Variants in AGBL4 observed in about 807,000 individuals in gnomAD.
AGBL4 encodes AGBL carboxypeptidase 4, also known as cytosolic carboxypeptidase 6.
A neutral mutation model predicts 66.4 loss-of-function variants in AGBL4; 58 were observed. The observed-to-expected ratio is 0.87, with a 90% CI of 0.71 to 1.09. AGBL4 has a LOEUF of 1.09. AGBL4 is among the 50% of genes least tolerant of loss of function. The pLI is 0.00. For synonymous variants in AGBL4, 234 were observed against 222.9 expected (o/e 1.05, Z -0.44); for missense variants, 579 against 631.0 (o/e 0.92, Z 0.88).
intron 4 of AGBL4, among the ~76,000 whole-genome samples, chr1:49,155,942 A>G (rs1341287664): frequency 6.6e-6 from 1 of 152,130 alleles, no homozygotes; most frequent in African/African-American, 2.4e-5. Flanking sequence ...TATTGCCTCT[A>G]TTATCTATGA....
intron 3 of AGBL4, among the ~76,000 whole-genome samples, chr1:49,307,739 A>G (rs1330933344): frequency 1.3e-5 from 2 of 152,106 alleles, no homozygotes; most frequent in Non-Finnish European, 2.9e-5. Flanking sequence ...TGTTAATTTT[A>G]TCCCTCCTGG....
chr1:48,551,875 C>T (rs959969110), intron 11 of AGBL4, among the ~76,000 whole-genome samples: 12 of 151,890 alleles, frequency 7.9e-5, no homozygotes, highest in Non-Finnish European at 1.8e-4. Flanking sequence ...CAGTGCTGCC[C>T]ATCACCCTAA....
rs149827093 is a variant in AGBL4 at position 49,653,351 on chromosome 1, T to C, written c.282+43962A>G. Reference sequence around the variant, plus strand: ...CAAAGATCAAAAGTAGATAAACCCATGAAGATGAGAAAGAATCAACATAAA... The same window carrying C: ...CAAAGATCAAAAGTAGATAAACCCACGAAGATGAGAAAGAATCAACATAAA... On this transcript the variant is annotated intron_variant, in intron 3 of 13. Transcript: ENST00000371839. Among the ~76,000 whole-genome samples, 3 of 151,852 alleles carry C rather than the reference T, an allele frequency of 2.0e-5. No individual in the cohort carries two copies. In the South Asian group the frequency reaches 6.2e-4, roughly 32 times the overall value.
intron 3 of AGBL4, among the ~76,000 whole-genome samples, chr1:49,620,356 A>T (rs1239944693): frequency 2.0e-5 from 3 of 152,198 alleles, no homozygotes; most frequent in Non-Finnish European, 2.9e-5. Flanking sequence ...GCCAACAAAC[A>T]TATGAAAAAA....
intron 2 of AGBL4, among the ~76,000 whole-genome samples, chr1:49,754,296 G>GT (rs200656390): frequency 0.012 from 1,695 of 145,304 alleles, 31 homozygotes; most frequent in African/African-American, 0.035. Flanking sequence ...TATTTTTAAT[G>GT]TTTTTTTTTT....
intron 1 of AGBL4, among the ~76,000 whole-genome samples, chr1:49,874,613 G>A (rs958239328): frequency 1.3e-5 from 2 of 151,972 alleles, no homozygotes; most frequent in African/African-American, 2.4e-5. Flanking sequence ...TTAAAATCCT[G>A]TTCTCATTCC....
chr1:48,869,961 A>T (rs1648487882), intron 5 of AGBL4, among the ~76,000 whole-genome samples: 1 of 152,102 alleles, frequency 6.6e-6, no homozygotes, highest in African/African-American at 2.4e-5. Context: ...GGCTGAACTC[A>T]ACTGAACTAG....
chr1:49,133,645 A>G (rs186173635), intron 4 of AGBL4, among the ~76,000 whole-genome samples: 1 of 152,276 alleles, frequency 6.6e-6, no homozygotes, highest in African/African-American at 2.4e-5. Context: ...GCATGGCTGT[A>G]TATTGGTAAA....
At chr1:49,416,589 T>C (rs1306706168) in intron 3 of AGBL4, among the ~76,000 whole-genome samples, 1 of 152,074 alleles carries the variant, frequency 6.6e-6, no homozygotes, top group Non-Finnish European at 1.5e-5. Context: ...GGCTGTGGAG[T>C]AGCATTCAAT....
chr1:49,987,904 G>T (rs1001522488), intron 1 of AGBL4, among the ~76,000 whole-genome samples: 1 of 151,234 alleles, frequency 6.6e-6, no homozygotes, highest in African/African-American at 2.4e-5. Context: ...TCTAATTCAA[G>T]TTCATGCCTC....
At chr1:49,851,185 T>G (rs530798098) in intron 2 of AGBL4, among the ~76,000 whole-genome samples, 1 of 152,154 alleles carries the variant, frequency 6.6e-6, no homozygotes, top group Non-Finnish European at 1.5e-5. Context: ...TTTGTTAATA[T>G]TACCATCAAT....
chr1:49,735,296 G>T lies in AGBL4; in HGVS notation c.158-37859C>A, dbSNP rs74724276. Reference sequence around the variant, plus strand: ...TAAAACAAAGAGGTAGAGGTGTGTGGGTGTGTGTGTGTGTGTGTGTGTGTG... The same window carrying T: ...TAAAACAAAGAGGTAGAGGTGTGTGTGTGTGTGTGTGTGTGTGTGTGTGTG... On this transcript the variant is annotated intron_variant, in intron 2 of 13. Transcript: ENST00000371839. Among the ~76,000 whole-genome samples, 947 of 127,386 alleles carry T rather than the reference G, an allele frequency of 7.4e-3. 12 individuals are homozygous for T. Among genetic ancestry groups the T allele is most frequent in the African/African-American group, 0.025 (758 of 30,870 alleles). 83.6% of individuals were successfully genotyped at this position (127,386 alleles called of 152,430 possible).
chr1:49,943,735 A>C (rs1571923946), intron 1 of AGBL4, among the ~76,000 whole-genome samples: 1 of 149,012 alleles, frequency 6.7e-6, no homozygotes, highest in Admixed American at 6.7e-5. Flanking sequence ...AAAAAAAAAA[A>C]CCTCCAGCAG....
At chr1:48,849,710 C>T (rs936622292) in intron 6 of AGBL4, among the ~76,000 whole-genome samples, 27 of 152,308 alleles carry the variant, frequency 1.8e-4, no homozygotes, top group African/African-American at 6.3e-4. Flanking sequence ...CGGTGGCTCA[C>T]GCCTGTAATC....
intron 9 of AGBL4, among the ~76,000 whole-genome samples, chr1:48,620,589 A>G (rs1166267586): frequency 6.6e-6 from 1 of 152,154 alleles, no homozygotes; most frequent in Non-Finnish European, 1.5e-5. Context: ...ACCTACTTGC[A>G]TTGCTATTTC....
At chr1:48,771,148 A>C (rs550538987) in intron 6 of AGBL4, among the ~76,000 whole-genome samples, 75 of 152,326 alleles carry the variant, frequency 4.9e-4, no homozygotes, top group Non-Finnish European at 7.2e-4. Flanking sequence ...CTGACCACCT[A>C]GTATAACTCA....
At chr1:49,435,382 T>G (rs1645881831) in intron 3 of AGBL4, among the ~76,000 whole-genome samples, 1 of 152,202 alleles carries the variant, frequency 6.6e-6, no homozygotes, top group Non-Finnish European at 1.5e-5. Context: ...GAGCAGAGAT[T>G]TATATTTTTT....
At chr1:49,099,061 C>G (rs970457472) in intron 4 of AGBL4, among the ~76,000 whole-genome samples, 4 of 152,178 alleles carry the variant, frequency 2.6e-5, no homozygotes, top group Non-Finnish European at 5.9e-5. Context: ...TGACTTAGAG[C>G]TATGTGCTAT....
intron 5 of AGBL4, among the ~76,000 whole-genome samples, chr1:48,930,913 C>T (rs1264406482): frequency 6.6e-6 from 1 of 152,160 alleles, no homozygotes; most frequent in Non-Finnish European, 1.5e-5. Flanking sequence ...CAAGGTTGCA[C>T]AGCAATCTCA....
Sources: allele counts gnomAD v4.1 joint callset (sites outside exome capture counted in the v4.1 genomes callset), GRCh38; gene constraint gnomAD v4.1.1; transcripts MANE v1.5; gene names NCBI Gene and HGNC (gene_info 2026-07-23, HGNC 2026-07-21).